The following B3GALT5 variants were observed in gnomAD, a reference collection of about 807,000 sequenced individuals.
B3GALT5 encodes the protein UDP-Gal:betaGlcNAc beta 1,3-galactosyltransferase, polypeptide 5.
For synonymous variants in B3GALT5, 156 were observed against 158.6 expected (o/e 0.98, Z 0.12); for missense variants, 328 against 396.6 (o/e 0.83, Z 1.47).
chr21:39,659,677 C>T (rs2079489881), intron 2 of B3GALT5, 76 bp from the exon 3 acceptor site: 1 of 870,782 alleles, frequency 1.1e-6, no homozygotes, highest in Non-Finnish European at 1.4e-6. Context: ...GGTGACGCTA[C>T]AGACACGGTA....
chr21:39,660,614 CTT>C lies in B3GALT5; in HGVS notation c.57_58del (p.Cys20PhefsTer4). ...TATTTGCCTTCTGGTTCTGGGGGCT[CTT>C]TGTTTGTATTTTAGCATGTACAGTC... ...MYICLLVLGA[L>X]CLYFSMYSLN... On this transcript the variant is annotated frameshift_variant, in exon 4 of 4. Transcript: ENST00000684187. LOFTEE classifies it low-confidence loss of function (END_TRUNC). The C allele has an allele frequency of 6.9e-7, 1 of 1,452,962 alleles. No individual in the cohort carries two copies. Among genetic ancestry groups the C allele is most frequent in the Admixed American group, 2.6e-5 (1 of 38,586 alleles). The allele number at this position is 1,452,962 out of a possible 1,614,324, so 90.0% of individuals were successfully genotyped here.
At chr21:39,660,351 T>G (rs994808128) in intron 3 of B3GALT5, among the ~76,000 whole-genome samples, 1 of 152,200 alleles carries the variant, frequency 6.6e-6, no homozygotes, top group African/African-American at 2.4e-5. Flanking sequence ...ATCTCTGAGC[T>G]TTTTATCTTA....
Position 39,670,598 on chromosome 21 carries a change from C to G in B3GALT5, c.*9106C>G, listed in dbSNP as rs2079618697. 1 of 152,218 alleles carries G rather than the reference C, an allele frequency of 6.6e-6. No individual in the cohort carries two copies. The highest frequency in any genetic ancestry group is 2.4e-5 in the African/African-American group (1 of 41,440). 9.4% of individuals were successfully genotyped at this position (152,218 alleles called of 1,614,324 possible). A position where few individuals can be genotyped will look rare whatever the true frequency, so the allele number is the denominator to read the frequency against. On this transcript the variant is annotated 3_prime_UTR_variant, in exon 4 of 4. Coordinates refer to ENST00000684187, the MANE Select transcript of B3GALT5 (RefSeq NM_001356336.2). The stretch of plus-strand genomic sequence containing the variant: ...CTCTGAAGGATGTGACACCAACTTT[C>G]AGGCAGAACATTTAGAAAGAGTGAA...
chr21:39,638,100 G>T (rs1450823255), intron 1 of B3GALT5, among the ~76,000 whole-genome samples: 1 of 152,164 alleles, frequency 6.6e-6, no homozygotes, highest in Non-Finnish European at 1.5e-5. Flanking sequence ...GAAGGGCACG[G>T]TCCCTTTAAA....
rs1001520044 is a variant in B3GALT5 at position 39,612,968 on chromosome 21, G to T, written c.-491G>T. ...CTCGGCCTGGACCCAGCGCCTCCGGGGACCGGCCGCGCGCCCCCTGCGTCC... is the reference window on the plus strand; with the variant it reads ...CTCGGCCTGGACCCAGCGCCTCCGGTGACCGGCCGCGCGCCCCCTGCGTCC... On this transcript the variant is annotated 5_prime_UTR_variant, in exon 1 of 4. Transcript: ENST00000684187. 1 of 151,724 alleles carries T rather than the reference G, an allele frequency of 6.6e-6. No individual in the cohort carries two copies. The highest frequency in any genetic ancestry group is 1.5e-5 in the Non-Finnish European group (1 of 67,902). The allele number at this position is 151,724 out of a possible 1,614,324, so 9.4% of individuals were successfully genotyped here.
intron 1 of B3GALT5, among the ~76,000 whole-genome samples, chr21:39,646,182 G>A (rs910485629): frequency 1.3e-5 from 2 of 152,008 alleles, no homozygotes; most frequent in African/African-American, 4.8e-5. Context: ...CTGGTGCCCC[G>A]GACTACTGCT....
At chr21:39,648,732 A>G (rs1464343740) in intron 2 of B3GALT5, among the ~76,000 whole-genome samples, 1 of 152,172 alleles carries the variant, frequency 6.6e-6, no homozygotes, top group Non-Finnish European at 1.5e-5. Context: ...TCCTGTGTTG[A>G]AGGCCTCACC....
intron 1 of B3GALT5, among the ~76,000 whole-genome samples, chr21:39,621,295 A>G (rs1005285251): frequency 2.6e-5 from 4 of 152,238 alleles, no homozygotes; most frequent in South Asian, 2.1e-4. Flanking sequence ...TGAAATAATC[A>G]TAGACTTTTT....
chr21:39,619,876 C>T (rs1175746398), intron 1 of B3GALT5, among the ~76,000 whole-genome samples: 2 of 152,054 alleles, frequency 1.3e-5, no homozygotes, highest in Admixed American at 1.3e-4. Context: ...GGTGTGATTT[C>T]GTCTCACTGC....
rs1451144856 is a variant in B3GALT5 at position 39,668,817 on chromosome 21, G to A, written c.*7325G>A. On this transcript the variant is annotated 3_prime_UTR_variant, in exon 4 of 4. Coordinates refer to ENST00000684187, the MANE Select transcript of B3GALT5 (RefSeq NM_001356336.2). ...AGTTACTTATCTTCTCATTGTCTCC[G>A]TTTTGTTATCTGAAGAATGGGACCA... 1.3e-5 allele frequency: 2 copies of A among 152,202 alleles called. No individual in the cohort carries two copies. The highest frequency in any genetic ancestry group is 2.4e-5 in the African/African-American group (1 of 41,432). 9.4% of individuals were successfully genotyped at this position (152,202 alleles called of 1,614,324 possible). A position where few individuals can be genotyped will look rare whatever the true frequency, so the allele number is the denominator to read the frequency against.
At chr21:39,631,823 A>G (rs2079193732) in intron 1 of B3GALT5, among the ~76,000 whole-genome samples, 1 of 152,216 alleles carries the variant, frequency 6.6e-6, no homozygotes, top group South Asian at 2.1e-4. Context: ...GTACCAAGAA[A>G]GGGGATGCTG....
chr21:39,651,624 A>G (rs2079396264), intron 2 of B3GALT5, among the ~76,000 whole-genome samples: 1 of 152,206 alleles, frequency 6.6e-6, no homozygotes, highest in Admixed American at 6.5e-5. Context: ...GGACTTTAAC[A>G]TGGGAGTTTT....
rs573003286 is a variant in B3GALT5 at position 39,625,856 on chromosome 21, T to TG, written c.-392+12796dup. Among the ~76,000 whole-genome samples, 14 of 152,290 alleles carry TG rather than the reference T, an allele frequency of 9.2e-5. No homozygotes were observed. In the South Asian group the frequency reaches 1.7e-3, roughly 18 times the overall value. ...TTCTTTCTTTTATTCATAGTTTTTT[T>TG]GGGGGGGTATAATCAATATTATGCA... On this transcript the variant is annotated intron_variant, in intron 1 of 3. Transcript: ENST00000684187.
At chr21:39,625,856 TG>T (rs573003286) in intron 1 of B3GALT5, among the ~76,000 whole-genome samples, 4 of 152,172 alleles carry the variant, frequency 2.6e-5, no homozygotes, top group South Asian at 2.1e-4. Context: ...ATAGTTTTTT[TG>T]GGGGGGTATA....
chr21:39,629,282 T>C (rs1388995216), intron 1 of B3GALT5, among the ~76,000 whole-genome samples: 2 of 152,240 alleles, frequency 1.3e-5, no homozygotes, highest in African/African-American at 4.8e-5. Flanking sequence ...TCCAAAGTGC[T>C]GGGATTATAG....
chr21:39,626,095 C>T (rs1160559668), intron 1 of B3GALT5, among the ~76,000 whole-genome samples: 1 of 152,180 alleles, frequency 6.6e-6, no homozygotes, highest in Non-Finnish European at 1.5e-5. Flanking sequence ...CCTCCCTACC[C>T]CCAGCCCCTG....
intron 1 of B3GALT5, among the ~76,000 whole-genome samples, chr21:39,639,999 G>C (rs1193340825): frequency 6.6e-6 from 1 of 151,800 alleles, no homozygotes; most frequent in Non-Finnish European, 1.5e-5. Flanking sequence ...AAATGTACCT[G>C]GAGGGCTCAT....
At chr21:39,639,401 T>C (rs1172925803) in intron 1 of B3GALT5, among the ~76,000 whole-genome samples, 2,069 of 32,270 alleles carry the variant, frequency 0.064, 31 homozygotes, top group Non-Finnish European at 0.079. Flanking sequence ...CTTCTTTCTT[T>C]TTCTTTCTTT....
chr21:39,627,853 C>T (rs892237378), intron 1 of B3GALT5, among the ~76,000 whole-genome samples: 7 of 152,116 alleles, frequency 4.6e-5, no homozygotes, highest in Non-Finnish European at 8.8e-5. Flanking sequence ...AAATAAGTGA[C>T]GTACAAGCAC....
Sources: gnomAD v4.1 joint callset for allele counts (sites outside exome capture counted in the v4.1 genomes callset) on GRCh38, gnomAD v4.1.1 for gene constraint, MANE v1.5 for transcripts, NCBI Gene and HGNC (gene_info 2026-07-23, HGNC 2026-07-21) for gene names.